Variants in NRXN1 observed in about 807,000 individuals in gnomAD.
NRXN1 encodes neurexin 1.
In NRXN1, 39 loss-of-function variants were observed where a neutral mutation model predicts 150.9. That is an observed-to-expected ratio of 0.26 (90% confidence interval 0.20 to 0.34). The LOEUF (loss-of-function observed/expected upper bound fraction) is 0.34. Among genes scored for constraint, NRXN1 ranks in the 10% least tolerant of loss-of-function variants. The probability of loss-of-function intolerance (pLI) is 1.00; values close to 1 mark genes in which losing one functional copy is unlikely to be tolerated. For synonymous variants in NRXN1, 924 were observed against 757.0 expected, an observed-to-expected ratio of 1.22 and a Z score of -3.62; for missense variants, 1,815 against 1,949.9, an observed-to-expected ratio of 0.93 and a Z score of 1.30.
intron 5 of NRXN1, among the ~76,000 whole-genome samples, chr2:50,786,902 A>C (rs1194775148): frequency 6.6e-6 from 1 of 152,184 alleles, no homozygotes; most frequent in African/African-American, 2.4e-5. Context: ...AAAAAAATGG[A>C]AAATTCTTCA....
intron 5 of NRXN1, among the ~76,000 whole-genome samples, chr2:50,663,528 T>C (rs139954698): frequency 3.3e-5 from 5 of 152,136 alleles, no homozygotes; most frequent in East Asian, 3.9e-4. Context: ...TTTAGATAAA[T>C]AGAAAAAATT....
At chr2:50,826,882 T>G (rs1284510925) in intron 5 of NRXN1, among the ~76,000 whole-genome samples, 1 of 152,158 alleles carries the variant, frequency 6.6e-6, no homozygotes, top group Non-Finnish European at 1.5e-5. Context: ...TCATCAGCAT[T>G]TAGATGGCAT....
intron 5 of NRXN1, among the ~76,000 whole-genome samples, chr2:50,778,304 T>C (rs1475020029): frequency 5.9e-5 from 9 of 152,110 alleles, no homozygotes; most frequent in Non-Finnish European, 1.2e-4. Flanking sequence ...AGTAAAGAGA[T>C]CAACCAGGAA....
intron 2 of NRXN1, among the ~76,000 whole-genome samples, chr2:51,001,525 C>T (rs945385449): frequency 6.6e-6 from 1 of 151,886 alleles, no homozygotes; most frequent in African/African-American, 2.4e-5. Flanking sequence ...TCTCCTACAC[C>T]AGTTTTACTG....
intron 5 of NRXN1, among the ~76,000 whole-genome samples, chr2:50,751,650 C>T (rs1700609863): frequency 1.3e-5 from 2 of 152,046 alleles, no homozygotes; most frequent in East Asian, 3.9e-4. Flanking sequence ...TGTGAAAAGG[C>T]CTGCATAACT....
intron 17 of NRXN1, among the ~76,000 whole-genome samples, chr2:50,261,795 T>C (rs868674976): frequency 6.6e-6 from 1 of 152,026 alleles, no homozygotes; most frequent in South Asian, 2.1e-4. Context: ...ATTCTCCTTG[T>C]CCTATGTGAA....
chr2:50,708,902 C>T (rs1033393751), intron 5 of NRXN1, among the ~76,000 whole-genome samples: 7 of 152,164 alleles, frequency 4.6e-5, no homozygotes, highest in Admixed American at 3.9e-4. Context: ...CCAGCCATAG[C>T]TCAATCCAGG....
chr2:50,354,550 C>CAT lies in NRXN1; in HGVS notation c.3364+110890_3364+110891dup, dbSNP rs1420237558. 3.0e-4 allele frequency among the ~76,000 whole-genome samples: 20 copies of CAT among 66,252 alleles called. No homozygotes were observed. In the East Asian group the frequency reaches 6.2e-3, roughly 21 times the overall value. 43.5% of individuals were successfully genotyped at this position (66,252 alleles called of 152,430 possible). A position where few individuals can be genotyped will look rare whatever the true frequency, so the allele number is the denominator to read the frequency against. On this transcript the variant is annotated intron_variant, in intron 17 of 22. Transcript: ENST00000401669. ...ATACACTACCTTAGCGTCTAGAGTGCATACATATATATATATATATATATA... is the reference window on the plus strand; with the variant it reads ...ATACACTACCTTAGCGTCTAGAGTGCATATACATATATATATATATATATATA...
chr2:50,191,040 T>C (rs2061410442), intron 18 of NRXN1, among the ~76,000 whole-genome samples: 2 of 151,986 alleles, frequency 1.3e-5, no homozygotes, highest in African/African-American at 2.4e-5. Flanking sequence ...ACTCAGTTTC[T>C]TTCTTTGAGA....
At chr2:50,804,161 C>A (rs1667214065) in intron 5 of NRXN1, among the ~76,000 whole-genome samples, 1 of 152,008 alleles carries the variant, frequency 6.6e-6, no homozygotes, top group South Asian at 2.1e-4. Context: ...GACATGATTA[C>A]CAATTATAAA....
chr2:51,016,806 T>C (rs1311226503), intron 2 of NRXN1, among the ~76,000 whole-genome samples: 1 of 152,104 alleles, frequency 6.6e-6, no homozygotes, highest in Non-Finnish European at 1.5e-5. Context: ...CATGCACATA[T>C]ATGTTTATTG....
chr2:50,162,830 C>A (rs986299715), intron 18 of NRXN1, among the ~76,000 whole-genome samples: 5 of 151,632 alleles, frequency 3.3e-5, no homozygotes, highest in African/African-American at 1.2e-4. Context: ...TTTCATTTTC[C>A]AAATAAATTA....
intron 18 of NRXN1, among the ~76,000 whole-genome samples, chr2:50,188,343 C>G (rs1487004070): frequency 6.6e-6 from 1 of 152,054 alleles, no homozygotes; most frequent in East Asian, 1.9e-4. Flanking sequence ...AAACTGGATC[C>G]CTTCCTTATA....
intron 12 of NRXN1, among the ~76,000 whole-genome samples, chr2:50,522,069 G>C (rs1056382291): frequency 1.3e-5 from 2 of 152,202 alleles, no homozygotes; most frequent in South Asian, 4.2e-4. Flanking sequence ...GAGGGAGGAA[G>C]GCAGAGAAGA....
intron 8 of NRXN1, among the ~76,000 whole-genome samples, chr2:50,566,633 C>T (rs149626179): frequency 1.3e-5 from 2 of 152,194 alleles, no homozygotes; most frequent in Non-Finnish European, 2.9e-5. Flanking sequence ...TGTTGAACAA[C>T]AAACTTCTAC....
At chr2:50,535,247 A>G (rs1298654178) in intron 10 of NRXN1, among the ~76,000 whole-genome samples, 1 of 152,248 alleles carries the variant, frequency 6.6e-6, no homozygotes, top group Non-Finnish European at 1.5e-5. Flanking sequence ...TAGAATATAC[A>G]ATAATTCTTT....
At chr2:50,788,221 G>A (rs1037706972) in intron 5 of NRXN1, among the ~76,000 whole-genome samples, 1 of 151,706 alleles carries the variant, frequency 6.6e-6, no homozygotes, top group Non-Finnish European at 1.5e-5. Context: ...TGAGCAGCTG[G>A]GACTACAGGC....
intron 21 of NRXN1, among the ~76,000 whole-genome samples, chr2:49,999,207 G>C (rs1683503129): frequency 6.6e-6 from 1 of 152,018 alleles, no homozygotes; most frequent in South Asian, 2.1e-4. Context: ...TAGATTAAAA[G>C]AAAATTTGTT....
intron 5 of NRXN1, among the ~76,000 whole-genome samples, chr2:50,713,925 A>T (rs1695527557): frequency 6.6e-6 from 1 of 152,178 alleles, no homozygotes; most frequent in African/African-American, 2.4e-5. Context: ...ATGTACAGTA[A>T]ATCAGAGCAT....
Sources: allele counts gnomAD v4.1 joint callset (sites outside exome capture counted in the v4.1 genomes callset), GRCh38; gene constraint gnomAD v4.1.1; transcripts MANE v1.5; gene names NCBI Gene and HGNC (gene_info 2026-07-23, HGNC 2026-07-21).